IGF2BP1: variants seen among roughly 807,000 people sequenced by gnomAD.
IGF2BP1 encodes insulin-like growth factor 2 mRNA-binding protein 1.
IGF2BP1 carries 11 observed loss-of-function variants against 74.9 expected under a neutral mutation model. That is an observed-to-expected ratio of 0.15 (90% CI 0.09 to 0.24). The LOEUF is 0.24. Ranked by LOEUF, IGF2BP1 falls within the 10% of genes least tolerant of loss-of-function variation. The probability of loss-of-function intolerance (pLI) is 1.00; values close to 1 mark genes in which losing one functional copy is unlikely to be tolerated. For synonymous variants in IGF2BP1, 287 were observed against 281.8 expected, an observed-to-expected ratio of 1.02 and a Z score of -0.18; for missense variants, 440 against 757.4, an observed-to-expected ratio of 0.58 and a Z score of 4.92.
rs569503753 is a variant in IGF2BP1 at position 49,040,718 on chromosome 17, A to G, written c.818+627A>G. ...TTTCATTTTCTGTATCAGCACATATATTAGTACATATGGACAGACCGCATT... is the reference window on the plus strand; with the variant it reads ...TTTCATTTTCTGTATCAGCACATATGTTAGTACATATGGACAGACCGCATT... On this transcript the variant is annotated intron_variant, in intron 7 of 14. Transcript: ENST00000290341. Among the ~76,000 whole-genome samples the G allele has an allele frequency of 5.3e-5, 8 of 152,376 alleles. No individual in the cohort carries two copies. The South Asian group carries it at 1.7e-3, about 32-fold the overall frequency.
intron 2 of IGF2BP1, chr17:49,004,842 A>G (rs1463291432): frequency 6.6e-6 from 1 of 152,184 alleles, no homozygotes; most frequent in Non-Finnish European, 1.5e-5. Flanking sequence ...AGGTCTCTCA[A>G]ACCTGTACTC....
chr17:49,026,626 T>C, intron 4 of IGF2BP1, 109 bp downstream of exon 4: 1 of 481,500 alleles, frequency 2.1e-6, no homozygotes, highest in South Asian at 2.2e-5. Context: ...CCTTCCTTCC[T>C]TCCTTCCTGC....
chr17:49,008,712 AGT>A (rs1218890944), intron 2 of IGF2BP1, among the ~76,000 whole-genome samples: 4 of 152,132 alleles, frequency 2.6e-5, no homozygotes, highest in Admixed American at 6.5e-5. Flanking sequence ...GTAGCCTGGG[AGT>A]GTGTGTGGGG....
At chr17:49,020,294 G>A (rs1350705124) in intron 2 of IGF2BP1, among the ~76,000 whole-genome samples, 1 of 151,832 alleles carries the variant, frequency 6.6e-6, no homozygotes, top group Non-Finnish European at 1.5e-5. Flanking sequence ...CACCCACCTC[G>A]GTCTCCCAGG....
rs1009889766 is a variant in IGF2BP1 at position 49,054,516 on chromosome 17, C to T, written c.*5072C>T. On this transcript the variant is annotated 3_prime_UTR_variant, in exon 15 of 15. Coordinates refer to ENST00000290341, the MANE Select transcript of IGF2BP1 (RefSeq NM_006546.4). ...AGGCCTGCCAGGATCCCCCCCATATCGATTGGGCTGGGAGGGCTGGCCATG... is the reference window on the plus strand; with the variant it reads ...AGGCCTGCCAGGATCCCCCCCATATTGATTGGGCTGGGAGGGCTGGCCATG... The T allele has an allele frequency of 1.3e-5, 2 of 152,436 alleles. No homozygotes were observed. Among genetic ancestry groups the T allele is most frequent in the East Asian group, 1.9e-4 (1 of 5,196 alleles). 9.4% of individuals were successfully genotyped at this position (152,436 alleles called of 1,614,324 possible). A position where few individuals can be genotyped will look rare whatever the true frequency, so the allele number is the denominator to read the frequency against.
rs2042205219 is a variant in IGF2BP1 at position 49,054,714 on chromosome 17, C to T, written c.*5270C>T. The T allele has an allele frequency of 6.6e-6, 1 of 152,402 alleles. No homozygotes were observed. The highest frequency in any genetic ancestry group is 6.5e-5 in the Admixed American group (1 of 15,286). 9.4% of individuals were successfully genotyped at this position (152,402 alleles called of 1,614,324 possible). On this transcript the variant is annotated 3_prime_UTR_variant, in exon 15 of 15. Coordinates refer to ENST00000290341, the MANE Select transcript of IGF2BP1 (RefSeq NM_006546.4). The stretch of plus-strand genomic sequence containing the variant: ...CTGGGGCTTGGCCTGGAACCCACCA[C>T]ACAGCCCCAAAGTCAGGAAGCCTGG...
chr17:49,050,436 T>G lies in IGF2BP1; in HGVS notation c.*992T>G, dbSNP rs1382897312. 6.6e-6 allele frequency: 1 copy of G among 152,160 alleles called. No homozygotes were observed. The highest frequency in any genetic ancestry group is 1.5e-5 in the Non-Finnish European group (1 of 68,032). The allele number at this position is 152,160 out of a possible 1,614,324, so 9.4% of individuals were successfully genotyped here. A position where few individuals can be genotyped will look rare whatever the true frequency, so the allele number is the denominator to read the frequency against. On this transcript the variant is annotated 3_prime_UTR_variant, in exon 15 of 15. Coordinates refer to ENST00000290341, the MANE Select transcript of IGF2BP1 (RefSeq NM_006546.4). ...GTCTCGGTTCCATGGAGGACTTGAG[T>G]GGCCCCAAAGGCTGCCACGGTGCCC...
chr17:49,016,084 A>G (rs2041697873), intron 2 of IGF2BP1, among the ~76,000 whole-genome samples: 1 of 152,230 alleles, frequency 6.6e-6, no homozygotes, highest in African/African-American at 2.4e-5. Flanking sequence ...GTTGGCACGC[A>G]CTTAACCATA....
At chr17:49,045,291 G>A (rs2042097565) in intron 12 of IGF2BP1, among the ~76,000 whole-genome samples, 1 of 152,208 alleles carries the variant, frequency 6.6e-6, no homozygotes, top group Non-Finnish European at 1.5e-5. Flanking sequence ...AGAAGAAGAT[G>A]GGAAGGAAAG....
intron 5 of IGF2BP1, chr17:49,037,453 T>C: frequency 6.2e-6 from 2 of 325,140 alleles, no homozygotes; most frequent in South Asian, 4.9e-5. Context: ...TCAAATGATA[T>C]TCAGGAACTC....
At chr17:49,020,954 C>G (rs756416303) in intron 2 of IGF2BP1, among the ~76,000 whole-genome samples, 14 of 141,746 alleles carry the variant, frequency 9.9e-5, no homozygotes, top group Admixed American at 1.5e-4. Context: ...CATGGTGAGG[C>G]CCCGTCTCTA....
intron 2 of IGF2BP1, among the ~76,000 whole-genome samples, chr17:49,025,308 A>G (rs1300447421): frequency 8.2e-6 from 1 of 121,976 alleles, no homozygotes; most frequent in Non-Finnish European, 1.8e-5. Flanking sequence ...TGGTGGGACA[A>G]ACAAAGTGTG....
At position 49,042,308 on chromosome 17, in the gene IGF2BP1, T is replaced by C. The variant is rs777888346; in HGVS notation, c.1008T>C (p.Cys336=). The C allele has an allele frequency of 1.2e-5, 19 of 1,613,958 alleles. No homozygotes were observed. The highest frequency in any genetic ancestry group is 1.5e-5 in the Non-Finnish European group (18 of 1,180,012). Residue 336 remains cysteine (C), a synonymous_variant, in exon 9 of 15, where the codon TGT becomes TGC. Transcript: ENST00000290341. ...CTGTGAAGGGGGCCATCGAGAATTG[T>C]TGCAGGGCCGAGCAGGAAATAATGA... The part of the protein sequence containing the change: ...TITVKGAIEN[C]CRAEQEIMKK...
rs2144139190 is a variant in IGF2BP1 at position 49,044,030 on chromosome 17, G to A, written c.1264G>A (p.Gly422Ser). Residue 422 changes from glycine (G) to serine (S), a missense_variant, in exon 11 of 15, where the codon GGC (glycine) becomes AGC (serine). Around this residue, in one of 5 missense-constraint regions of IGF2BP1, gnomAD observed 117 missense variants for 237.2 expected, o/e 0.49. Transcript: ENST00000290341. ...IPAQAVGAII[G>S]KKGQHIKQLS... ...CGCCCAGGCAGTGGGCGCCATCATC[G>A]GCAAGAAGGGGCAGCACATCAAACA... The A allele has an allele frequency of 6.2e-7, 1 of 1,614,098 alleles. No homozygotes were observed. The highest frequency in any genetic ancestry group is 2.2e-5 in the East Asian group (1 of 44,866).
In IGF2BP1 at chr17:49,043,611, GA is replaced by G. The variant is rs1279837884; in HGVS notation, c.1200+62del. The G allele has an allele frequency of 4.7e-5, 74 of 1,578,716 alleles. 1 individual carries two copies. In the South Asian group the frequency reaches 8.3e-4, roughly 18 times the overall value. ...CCCATATGTGGCCTCCCTTAAGGGG[GA>G]CTCAGCATGCTCTGGGAGTTGGATG... On this transcript the variant is annotated intron_variant, in intron 10 of 14. Transcript: ENST00000290341.
chr17:49,055,984 G>A lies in IGF2BP1; in HGVS notation c.*6540G>A, dbSNP rs1178007305. The stretch of plus-strand genomic sequence containing the variant: ...CCTCCCATCCTTTAATCTGTTCATT[G>A]CTTTGGGGGAGGTGGGGCAGCTGGC... On this transcript the variant is annotated 3_prime_UTR_variant, in exon 15 of 15. Coordinates refer to ENST00000290341, the MANE Select transcript of IGF2BP1 (RefSeq NM_006546.4). Among the ~76,000 whole-genome samples, 2 of 151,720 alleles carry A rather than the reference G, an allele frequency of 1.3e-5. No individual in the cohort carries two copies. The highest frequency in any genetic ancestry group is 2.9e-5 in the Non-Finnish European group (2 of 67,974).
At chr17:49,007,868 T>C (rs975958632) in intron 2 of IGF2BP1, among the ~76,000 whole-genome samples, 5 of 152,134 alleles carry the variant, frequency 3.3e-5, no homozygotes, top group Admixed American at 2.0e-4. Flanking sequence ...GATTTGGAGA[T>C]GAAGTTCTAA....
At chr17:49,001,558 A>G (rs1039715593) in intron 2 of IGF2BP1, among the ~76,000 whole-genome samples, 2 of 152,154 alleles carry the variant, frequency 1.3e-5, no homozygotes, top group Admixed American at 6.5e-5. Context: ...TATTTGATAC[A>G]TATAATTTGT....
At chr17:49,042,146 G>A (rs1286122255) in intron 8 of IGF2BP1, 96 bp from the exon 9 acceptor site, 1 of 1,497,350 alleles carries the variant, frequency 6.7e-7, no homozygotes, top group African/African-American at 1.4e-5. Context: ...TGCAGAAATG[G>A]TGGGCCTGTG....
Sources: allele counts gnomAD v4.1 joint callset (sites outside exome capture counted in the v4.1 genomes callset), GRCh38; gene constraint gnomAD v4.1.1; regional missense constraint gnomAD v4.1.1; transcripts MANE v1.5; gene names NCBI Gene and HGNC (gene_info 2026-07-23, HGNC 2026-07-21).